Variants in CSMD1 observed in about 807,000 individuals in gnomAD.
The protein encoded by CSMD1 is CUB and sushi domain-containing protein 1.
A neutral mutation model predicts 417.5 loss-of-function variants in CSMD1; 213 were observed. That is an observed-to-expected ratio of 0.51 (90% CI 0.46 to 0.57). CSMD1 has a LOEUF of 0.57. Ranked by LOEUF, CSMD1 falls within the 20% of genes least tolerant of loss-of-function variation. The probability of loss-of-function intolerance (pLI) is 0.00; values close to 1 mark genes in which losing one functional copy is unlikely to be tolerated. For synonymous variants in CSMD1, 2,862 were observed against 1,736.8 expected (o/e 1.65, Z -16.11); for missense variants, 6,923 against 4,529.7 (o/e 1.53, Z -15.17).
chr8:4,749,889 C>T lies in CSMD1; in HGVS notation c.86-112331G>A, dbSNP rs17418877. The stretch of plus-strand genomic sequence containing the variant: ...AAAGAGAAATGCAACTTCAAAATCC[C>T]GGGTCTTGTTTTGTCTCTAGATTGT... On this transcript the variant is annotated intron_variant, in intron 1 of 69. Coordinates refer to ENST00000635120, the MANE Select transcript of CSMD1 (RefSeq NM_033225.6). Among the ~76,000 whole-genome samples, 1,086 of 151,980 alleles carry T rather than the reference C, an allele frequency of 7.1e-3. 9 individuals carry two copies. The highest frequency in any genetic ancestry group is 0.011 in the Non-Finnish European group (766 of 67,982).
At chr8:3,475,650 A>G (rs1817363674) in intron 11 of CSMD1, among the ~76,000 whole-genome samples, 1 of 152,232 alleles carries the variant, frequency 6.6e-6, no homozygotes, top group African/African-American at 2.4e-5. Flanking sequence ...TTTTGCACAG[A>G]TTTCAGTGAA....
chr8:3,024,950 C>A (rs7000164), intron 51 of CSMD1, among the ~76,000 whole-genome samples: 2 of 150,930 alleles, frequency 1.3e-5, no homozygotes, highest in African/African-American at 4.8e-5. Flanking sequence ...GATACACGTG[C>A]CCTAAAACTG....
intron 5 of CSMD1, among the ~76,000 whole-genome samples, chr8:3,790,592 C>T (rs1440779969): frequency 2.0e-5 from 3 of 152,080 alleles, no homozygotes; most frequent in African/African-American, 7.2e-5. Context: ...ATGTTTTTGG[C>T]ATACACAACA....
chr8:4,181,386 A>T (rs906151086), intron 3 of CSMD1, among the ~76,000 whole-genome samples: 3 of 151,562 alleles, frequency 2.0e-5, no homozygotes, highest in East Asian at 1.9e-4. Flanking sequence ...TTGAATGCTT[A>T]AACTATAAGG....
At chr8:3,911,216 C>G (rs781374994) in intron 5 of CSMD1, among the ~76,000 whole-genome samples, 2 of 152,272 alleles carry the variant, frequency 1.3e-5, no homozygotes, top group African/African-American at 2.4e-5. Flanking sequence ...CAGCATCTCT[C>G]TTGAATGCTC....
At chr8:4,330,895 C>T (rs937532063) in intron 3 of CSMD1, among the ~76,000 whole-genome samples, 1 of 152,104 alleles carries the variant, frequency 6.6e-6, no homozygotes, top group Admixed American at 6.6e-5. Flanking sequence ...CAGAAAGCTT[C>T]ATTATGTATG....
intron 7 of CSMD1, among the ~76,000 whole-genome samples, chr8:3,630,735 G>C (rs1027793992): frequency 2.0e-5 from 3 of 150,742 alleles, no homozygotes; most frequent in Non-Finnish European, 4.4e-5. Flanking sequence ...TTGCCTCTCT[G>C]AAGCCACTGA....
At chr8:4,982,747 G>C (rs2924721) in intron 1 of CSMD1, among the ~76,000 whole-genome samples, 15 of 151,934 alleles carry the variant, frequency 9.9e-5, no homozygotes, top group Non-Finnish European at 1.8e-4. Context: ...AGGAGATATA[G>C]ATCATACCCC....
chr8:2,947,078 T>C (rs1347136496), intron 68 of CSMD1, among the ~76,000 whole-genome samples: 1 of 152,236 alleles, frequency 6.6e-6, no homozygotes, highest in Non-Finnish European at 1.5e-5. Context: ...TTTGCCTCTG[T>C]ATTATTGAGC....
chr8:3,557,583 C>T lies in CSMD1; in HGVS notation c.1344+17362G>A, dbSNP rs184063300. Among the ~76,000 whole-genome samples the T allele has an allele frequency of 1.1e-3, 162 of 152,296 alleles. 1 individual carries two copies. The highest frequency in any genetic ancestry group is 3.8e-3 in the African/African-American group (159 of 41,568). On this transcript the variant is annotated intron_variant, in intron 10 of 69. Transcript: ENST00000635120. The stretch of plus-strand genomic sequence containing the variant: ...TAGAGGTGAGCAAGTCCTGAATTGG[C>T]CCCAACAGCCTCTCACTGCTTGAGG...
At chr8:3,009,692 C>A (rs376005596) in intron 52 of CSMD1, among the ~76,000 whole-genome samples, 1 of 152,054 alleles carries the variant, frequency 6.6e-6, no homozygotes, top group African/African-American at 2.4e-5. Context: ...CAATGCTGAC[C>A]GACTTAGCCC....
rs369891535 is a variant in CSMD1, at chr8:3,918,487, G to A, written c.818+79416C>T. Among the ~76,000 whole-genome samples the A allele has an allele frequency of 5.1e-4, 77 of 152,092 alleles. 1 individual carries two copies. The highest frequency in any genetic ancestry group is 1.6e-3 in the African/African-American group (68 of 41,398). On this transcript the variant is annotated intron_variant, in intron 5 of 69. Coordinates refer to ENST00000635120, the MANE Select transcript of CSMD1 (RefSeq NM_033225.6). ...TTATATACCTGTTGGACGTTTGTAT[G>A]TCTTTGCAGATATATCTACTTGGGT...
At chr8:4,733,629 T>C (rs924943386) in intron 1 of CSMD1, among the ~76,000 whole-genome samples, 2 of 152,228 alleles carry the variant, frequency 1.3e-5, no homozygotes, top group Admixed American at 1.3e-4. Context: ...TTTTATCCAA[T>C]AGTCTACACT....
At chr8:3,723,327 T>G (rs1802293425) in intron 6 of CSMD1, among the ~76,000 whole-genome samples, 1 of 152,158 alleles carries the variant, frequency 6.6e-6, no homozygotes, top group Non-Finnish European at 1.5e-5. Flanking sequence ...AAGGGCTCAT[T>G]TGATTAGGTC....
At chr8:4,712,917 G>C (rs1440382001) in intron 1 of CSMD1, among the ~76,000 whole-genome samples, 1 of 152,156 alleles carries the variant, frequency 6.6e-6, no homozygotes. Context: ...AAGGGTGCTT[G>C]ATTGACATAC....
chr8:4,063,285 C>T (rs1246058403), intron 3 of CSMD1, among the ~76,000 whole-genome samples: 1 of 146,038 alleles, frequency 6.8e-6, no homozygotes, highest in Non-Finnish European at 1.5e-5. Flanking sequence ...ACAAAAAAAC[C>T]AAAAAAGAAA....
intron 2 of CSMD1, among the ~76,000 whole-genome samples, chr8:4,622,626 G>A (rs533975273): frequency 2.0e-5 from 3 of 152,282 alleles, no homozygotes; most frequent in Non-Finnish European, 2.9e-5. Context: ...GAGGAAAGAA[G>A]AGCAGGTTTG....
At chr8:3,213,997 C>A (rs893809443) in intron 30 of CSMD1, among the ~76,000 whole-genome samples, 1 of 151,884 alleles carries the variant, frequency 6.6e-6, no homozygotes, top group Non-Finnish European at 1.5e-5. Flanking sequence ...AGGCACGCAC[C>A]ACCACACCCA....
chr8:4,673,914 A>C (rs889010150), intron 1 of CSMD1, among the ~76,000 whole-genome samples: 3 of 152,128 alleles, frequency 2.0e-5, no homozygotes, highest in African/African-American at 7.2e-5. Flanking sequence ...AGGGTTTGGG[A>C]GGATAGATAA....
Sources: gnomAD v4.1 joint callset for allele counts (sites outside exome capture counted in the v4.1 genomes callset) on GRCh38, gnomAD v4.1.1 for gene constraint, MANE v1.5 for transcripts, NCBI Gene and HGNC (gene_info 2026-07-23, HGNC 2026-07-21) for gene names.